Variants in COL21A1 observed in about 807,000 individuals in gnomAD.
COL21A1 encodes collagen type XXI alpha 1 chain.
In COL21A1, 149 loss-of-function variants were observed where a neutral mutation model predicts 137.9. That is an observed-to-expected ratio of 1.08 (90% confidence interval 0.95 to 1.24). COL21A1 has a LOEUF of 1.24. Among genes scored for constraint, COL21A1 ranks in the 50% most tolerant of loss-of-function variants. The pLI is 0.00. For missense variants in COL21A1, 1,167 were observed against 1,158.4 expected, an observed-to-expected ratio of 1.01 and a Z score of -0.11; for synonymous variants, 456 against 391.5, an observed-to-expected ratio of 1.16 and a Z score of -1.95.
rs192923520 is a variant in COL21A1 at position 56,150,249 on chromosome 6, G to A, written c.1434+6638C>T. On this transcript the variant is annotated intron_variant, in intron 10 of 29. Transcript: ENST00000244728. ...GAGTTGGGGGAACTGGCTGGGTGCGGTGGCTCACGCCTGTAATCCCACTCT... is the reference window on the plus strand; with the variant it reads ...GAGTTGGGGGAACTGGCTGGGTGCGATGGCTCACGCCTGTAATCCCACTCT... Among the ~76,000 whole-genome samples the A allele has an allele frequency of 1.3e-5, 2 of 152,108 alleles. 1 individual carries two copies. Among genetic ancestry groups the A allele is most frequent in the Admixed American group, 1.3e-4 (2 of 15,278 alleles).
At chr6:56,333,361 T>C (rs1257724943) in intron 1 of COL21A1, among the ~76,000 whole-genome samples, 1 of 151,526 alleles carries the variant, frequency 6.6e-6, no homozygotes, top group African/African-American at 2.4e-5. Context: ...TTGCAGTGTT[T>C]GAGAAATTTA....
chr6:56,169,570 T>C (rs62413552), intron 5 of COL21A1, among the ~76,000 whole-genome samples: 1 of 151,890 alleles, frequency 6.6e-6, no homozygotes, highest in Non-Finnish European at 1.5e-5. Context: ...GAGAGTCACT[T>C]TGCATTCTCT....
chr6:56,154,271 T>C (rs1775566086), intron 10 of COL21A1, among the ~76,000 whole-genome samples: 1 of 152,200 alleles, frequency 6.6e-6, no homozygotes, highest in South Asian at 2.1e-4. Flanking sequence ...ACTAGTGTCA[T>C]GCTCTTGGAC....
At chr6:56,185,746 T>G (rs1030349199) in intron 1 of COL21A1, among the ~76,000 whole-genome samples, 1 of 152,114 alleles carries the variant, frequency 6.6e-6, no homozygotes, top group Non-Finnish European at 1.5e-5. Flanking sequence ...GAACAAAGTC[T>G]TTGAAAAACA....
intron 1 of COL21A1, among the ~76,000 whole-genome samples, chr6:56,312,030 G>A (rs746826974): frequency 2.1e-4 from 32 of 152,178 alleles, no homozygotes; most frequent in Non-Finnish European, 4.0e-4. Flanking sequence ...TGTGAGCAGG[G>A]AACTATAAAA....
At chr6:56,171,781 A>G (rs1777078656) in intron 3 of COL21A1, among the ~76,000 whole-genome samples, 1 of 151,918 alleles carries the variant, frequency 6.6e-6, no homozygotes, top group South Asian at 2.1e-4. Context: ...TCATACTTAT[A>G]AAGAATATTT....
At chr6:56,070,907 T>C (rs1435301005) in intron 20 of COL21A1, 109 bp from the exon 21 acceptor site, 1 of 859,876 alleles carries the variant, frequency 1.2e-6, no homozygotes, top group African/African-American at 1.8e-5. Flanking sequence ...CATTTTTAAC[T>C]TTCCGATTGT....
At chr6:56,327,278 T>TA (rs1285703079) in intron 1 of COL21A1, among the ~76,000 whole-genome samples, 15 of 151,442 alleles carry the variant, frequency 9.9e-5, no homozygotes, top group African/African-American at 3.6e-4. Context: ...TTTAAAATGT[T>TA]AAAAAATTAA....
chr6:56,206,220 T>C (rs1279512945), intron 1 of COL21A1, among the ~76,000 whole-genome samples: 2 of 151,616 alleles, frequency 1.3e-5, no homozygotes, highest in African/African-American at 4.9e-5. Context: ...CCCATCAGTG[T>C]GCTGTATCCA....
intron 1 of COL21A1, among the ~76,000 whole-genome samples, chr6:56,206,640 C>T (rs1779793518): frequency 6.8e-6 from 1 of 147,642 alleles, no homozygotes. Context: ...ACCAAGTGGA[C>T]CTAATAGACA....
In COL21A1 at chr6:56,330,363, A is replaced by G. The variant is rs370879815; in HGVS notation, c.-39+63608T>C. ...CACTAAAAACGCATTGGCTAGTATT[A>G]ACTATGTTCTTTAATTATGTAAATC... On this transcript the variant is annotated intron_variant, in intron 1 of 28. Coordinates refer to the COL21A1 transcript ENST00000370819. Among the ~76,000 whole-genome samples the G allele has an allele frequency of 8.5e-5, 13 of 152,256 alleles. No individual in the cohort carries two copies. In the East Asian group the frequency reaches 2.1e-3, roughly 25 times the overall value.
At chr6:56,128,774 C>T (rs1773257540) in intron 12 of COL21A1, among the ~76,000 whole-genome samples, 1 of 152,200 alleles carries the variant, frequency 6.6e-6, no homozygotes, top group Admixed American at 6.5e-5. Flanking sequence ...CCTGCCTCAG[C>T]CTCCTGAGTA....
rs570883867 is a variant in COL21A1, at chr6:56,191,751, C to T, written c.-38-9095G>A. 9.9e-5 allele frequency among the ~76,000 whole-genome samples: 15 copies of T among 152,104 alleles called. No homozygotes were observed. In the East Asian group the frequency reaches 2.5e-3, roughly 25 times the overall value. Reference sequence around the variant, plus strand: ...TCAAGGAAATAAGAGAGGACACAAACGAATGGGAAAACAGTCCATGCTCAT... The same window carrying T: ...TCAAGGAAATAAGAGAGGACACAAATGAATGGGAAAACAGTCCATGCTCAT... On this transcript the variant is annotated intron_variant, in intron 1 of 29. Coordinates refer to ENST00000244728, the MANE Select transcript of COL21A1 (RefSeq NM_030820.4).
chr6:56,255,520 C>G (rs1305907704), intron 1 of COL21A1, among the ~76,000 whole-genome samples: 1 of 152,148 alleles, frequency 6.6e-6, no homozygotes, highest in Non-Finnish European at 1.5e-5. Context: ...GCATTACATA[C>G]TGTTGTAAGG....
chr6:56,268,256 G>T (rs780045871), intron 1 of COL21A1, among the ~76,000 whole-genome samples: 3 of 152,140 alleles, frequency 2.0e-5, no homozygotes, highest in African/African-American at 7.2e-5. Context: ...GTAAGCTATC[G>T]CCCTGCCATG....
intron 1 of COL21A1, among the ~76,000 whole-genome samples, chr6:56,316,558 T>TG (rs1297356706): frequency 3.6e-5 from 5 of 139,590 alleles, no homozygotes; most frequent in African/African-American, 1.3e-4. Context: ...CTTGGCTCAC[T>TG]GCAACCTCTG....
intron 29 of COL21A1, 62 bp downstream of exon 29, chr6:56,059,103 T>TA: frequency 8.1e-7 from 1 of 1,241,334 alleles, no homozygotes; most frequent in Non-Finnish European, 1.2e-6. Flanking sequence ...CACATAGATC[T>TA]ATGATGACTT....
At chr6:56,177,989 T>C (rs1777624594) in intron 3 of COL21A1, among the ~76,000 whole-genome samples, 1 of 152,146 alleles carries the variant, frequency 6.6e-6, no homozygotes, top group Admixed American at 6.5e-5. Flanking sequence ...TGTTTATAGA[T>C]GATACATTTT....
At chr6:56,061,404 T>C (rs556210566) in intron 25 of COL21A1, among the ~76,000 whole-genome samples, 1 of 152,242 alleles carries the variant, frequency 6.6e-6, no homozygotes, top group East Asian at 1.9e-4. Context: ...TTCAAAAATA[T>C]GGAGAAAAAA....
Sources: gnomAD v4.1 joint callset for allele counts (sites outside exome capture counted in the v4.1 genomes callset) on GRCh38, gnomAD v4.1.1 for gene constraint, MANE v1.5 for transcripts, NCBI Gene and HGNC (gene_info 2026-07-23, HGNC 2026-07-21) for gene names.